PMEPA1: variants seen among roughly 807,000 people sequenced by gnomAD.
PMEPA1 encodes protein TMEPAI.
A neutral mutation model predicts 23.0 loss-of-function variants in PMEPA1; 11 were observed. The ratio of observed to expected loss-of-function variants is 0.48; its 90% CI spans 0.30 to 0.79. The LOEUF is 0.79. PMEPA1 is among the 30% of genes least tolerant of loss of function. The probability of loss-of-function intolerance (pLI) is 0.06; values close to 1 mark genes in which losing one functional copy is unlikely to be tolerated. For missense variants in PMEPA1, 377 were observed against 390.9 expected (o/e 0.96, Z 0.30); for synonymous variants, 204 against 166.4 (o/e 1.23, Z -1.74).
intron 1 of PMEPA1, among the ~76,000 whole-genome samples, chr20:57,679,789 A>G (rs977124626): frequency 1.3e-5 from 2 of 152,192 alleles, no homozygotes; most frequent in African/African-American, 4.8e-5. Context: ...ACCCAGGGGA[A>G]AACCTTGGGA....
chr20:57,652,100 C>T lies in PMEPA1; in HGVS notation c.817G>A (p.Ala273Thr), dbSNP rs746606191. 1.4e-5 allele frequency: 22 copies of T among 1,561,710 alleles called. No homozygotes were observed. The South Asian group carries it at 2.5e-4, about 17-fold the overall frequency. Reference protein sequence around the residue: ...HTHIAPLESAAIWSKEKDKQK... With the variant: ...HTHIAPLESATIWSKEKDKQK... The stretch of plus-strand genomic sequence containing the variant: ...TTATCCTTCTCTTTGCTCCAGATGG[C>T]TGCGCTCTCTAGGGGCGCGATGTGT... Residue 273 changes from alanine (A) to threonine (T), a missense_variant, in exon 4 of 4, where the codon GCC (alanine) becomes ACC (threonine). Ala to Thr is a moderately conservative substitution (Grantham distance 58). Transcript: ENST00000341744. This position sits in a 1 kb window ranked among gnomAD's most constrained non-coding sequence, Gnocchi z 6.1.
intron 1 of PMEPA1, among the ~76,000 whole-genome samples, chr20:57,669,166 T>TATTTATTTATTTA (rs1469184474): frequency 2.0e-5 from 3 of 151,694 alleles, no homozygotes; most frequent in Non-Finnish European, 4.4e-5. Context: ...TTTATTTATT[T>TATTTATTTATTTA]ATTTATTTAT....
intron 1 of PMEPA1, among the ~76,000 whole-genome samples, chr20:57,679,235 C>CCTG (rs1321668091): frequency 6.6e-6 from 1 of 152,178 alleles, no homozygotes; most frequent in East Asian, 1.9e-4. Flanking sequence ...CAAACAATGG[C>CCTG]AAGTGCAAAT....
rs1427144249 is a variant in PMEPA1 at position 57,682,589 on chromosome 20, G to A, written c.110-22892C>T. 3.3e-5 allele frequency among the ~76,000 whole-genome samples: 5 copies of A among 152,120 alleles called. No individual in the cohort carries two copies. Among genetic ancestry groups the A allele is most frequent in the African/African-American group, 7.2e-5 (3 of 41,428 alleles). On this transcript the variant is annotated intron_variant, in intron 1 of 3. Transcript: ENST00000341744. The surrounding 1 kb of genome is among the most constrained non-coding windows in gnomAD (Gnocchi z 4.4). ...GCCCACCGCCCCACACCTGGAAGAC[G>A]AAAGGACACGAGAAGGAGAGGCACA...
intron 1 of PMEPA1, among the ~76,000 whole-genome samples, chr20:57,709,190 C>G (rs894567893): frequency 7.3e-5 from 11 of 151,520 alleles, no homozygotes; most frequent in African/African-American, 2.7e-4. Flanking sequence ...CGCCCCAACC[C>G]TCCCGCGCCG....
intron 1 of PMEPA1, among the ~76,000 whole-genome samples, chr20:57,675,534 C>A (rs7267055): frequency 0.024 from 3,614 of 152,342 alleles, 167 homozygotes; most frequent in African/African-American, 0.083. Flanking sequence ...CCCAGGAAGA[C>A]CCCTGGCCCA....
Position 57,709,872 on chromosome 20 carries a change from G to A in PMEPA1, c.-290C>T, listed in dbSNP as rs1400100350. The A allele has an allele frequency of 5.0e-6, 5 of 993,984 alleles. No individual in the cohort carries two copies. Among genetic ancestry groups the A allele is most frequent in the African/African-American group, 1.8e-5 (1 of 56,826 alleles). The allele number at this position is 993,984 out of a possible 1,614,324, so 61.6% of individuals were successfully genotyped here. Reference sequence around the variant, plus strand: ...GGCTGGCAGCGGGGCGCGCGCTGCCGCCGGGGCTGAGCCTCTGCCGCTAGC... The same window carrying A: ...GGCTGGCAGCGGGGCGCGCGCTGCCACCGGGGCTGAGCCTCTGCCGCTAGC... On this transcript the variant is annotated 5_prime_UTR_variant, in exon 1 of 4. Coordinates refer to ENST00000341744, the MANE Select transcript of PMEPA1 (RefSeq NM_020182.5).
chr20:57,660,911 CAA>C (rs2071409574), intron 1 of PMEPA1, among the ~76,000 whole-genome samples: 1 of 152,144 alleles, frequency 6.6e-6, no homozygotes, highest in South Asian at 2.1e-4. Context: ...GTCCCACACC[CAA>C]GTCAACATCC....
intron 2 of PMEPA1, among the ~76,000 whole-genome samples, chr20:57,657,939 C>A (rs2071350974): frequency 6.6e-6 from 1 of 152,228 alleles, no homozygotes; most frequent in Admixed American, 6.5e-5. Flanking sequence ...CCACCTCCTC[C>A]CCACAGTTCC....
chr20:57,676,349 A>G (rs959099685), intron 1 of PMEPA1, among the ~76,000 whole-genome samples: 3 of 152,238 alleles, frequency 2.0e-5, no homozygotes, highest in African/African-American at 7.2e-5. Flanking sequence ...TCGGAACGCT[A>G]GCTGGTACAC....
chr20:57,706,293 C>T (rs752136156), intron 1 of PMEPA1, among the ~76,000 whole-genome samples: 6 of 152,114 alleles, frequency 3.9e-5, no homozygotes, highest in Non-Finnish European at 7.4e-5. Context: ...GGAGAAAGAC[C>T]GGGGGTAATC....
chr20:57,698,600 C>A (rs1173210161), intron 1 of PMEPA1, among the ~76,000 whole-genome samples: 3 of 152,210 alleles, frequency 2.0e-5, no homozygotes, highest in Non-Finnish European at 4.4e-5. Flanking sequence ...TTATTACCAA[C>A]TAAATTGTTT....
At chr20:57,658,760 C>T (rs2146644518) in intron 2 of PMEPA1, among the ~76,000 whole-genome samples, 1 of 152,292 alleles carries the variant, frequency 6.6e-6, no homozygotes, top group Non-Finnish European at 1.5e-5. Flanking sequence ...CTCTATGGCT[C>T]TCCAAGGCAT....
chr20:57,686,850 T>G (rs2071808041), intron 1 of PMEPA1, among the ~76,000 whole-genome samples: 1 of 152,036 alleles, frequency 6.6e-6, no homozygotes, highest in Non-Finnish European at 1.5e-5. Context: ...AGGCTTAGGA[T>G]CCCCACCAAA....
chr20:57,658,307 C>T (rs1181859809), intron 2 of PMEPA1, among the ~76,000 whole-genome samples: 4 of 152,162 alleles, frequency 2.6e-5, no homozygotes, highest in Non-Finnish European at 4.4e-5. Context: ...CCTCACACTC[C>T]CGCGCCCACT....
intron 1 of PMEPA1, among the ~76,000 whole-genome samples, chr20:57,703,585 G>C (rs1037841190): frequency 6.6e-6 from 1 of 152,192 alleles, no homozygotes; most frequent in South Asian, 2.1e-4. Context: ...GGCATGCTGG[G>C]GTCGTTGCCA....
intron 1 of PMEPA1, among the ~76,000 whole-genome samples, chr20:57,667,063 C>T (rs554486454): frequency 2.0e-5 from 3 of 152,316 alleles, no homozygotes; most frequent in Admixed American, 6.5e-5. Flanking sequence ...AAGGCCTGTA[C>T]GGGACATGGG....
In PMEPA1 at chr20:57,652,233, C is replaced by T. The variant is rs773147721; in HGVS notation, c.684G>A (p.Pro228=). 5 of 1,606,842 alleles carry T rather than the reference C, an allele frequency of 3.1e-6. No homozygotes were observed. Among genetic ancestry groups the T allele is most frequent in the Admixed American group, 3.3e-5 (2 of 59,840 alleles). ...CGATGACCTCGCTGTAGGTGGGCGG[C>T]GGCCCCTCCATGCGCCCGCCGCTGC... ...CYGSGGRMEG[P]PPTYSEVIGH... is the part of the protein sequence containing the mutation. The change falls in exon 4 of 4, where the codon CCG becomes CCA. Residue 228 remains proline (P), a synonymous_variant. Coordinates refer to ENST00000341744, the MANE Select transcript of PMEPA1 (RefSeq NM_020182.5). This position sits in a 1 kb window ranked among gnomAD's most constrained non-coding sequence, Gnocchi z 6.1.
rs994750604 is a variant in PMEPA1, at chr20:57,709,828, G to C, written c.-246C>G. 7 of 985,644 alleles carry C rather than the reference G, an allele frequency of 7.1e-6. No individual in the cohort carries two copies. Among genetic ancestry groups the C allele is most frequent in the Non-Finnish European group, 8.4e-6 (7 of 830,552 alleles). The allele number at this position is 985,644 out of a possible 1,614,324, so 61.1% of individuals were successfully genotyped here. On this transcript the variant is annotated 5_prime_UTR_variant, in exon 1 of 4. Transcript: ENST00000341744. Reference sequence around the variant, plus strand: ...CCCCGGGGGCGTCGGCAGTGCCCGCGGGTGGCGTCCGGAAAATGGGCTGGC... The same window carrying C: ...CCCCGGGGGCGTCGGCAGTGCCCGCCGGTGGCGTCCGGAAAATGGGCTGGC...
Sources: allele counts gnomAD v4.1 joint callset (sites outside exome capture counted in the v4.1 genomes callset), GRCh38; gene constraint gnomAD v4.1.1; non-coding constraint Gnocchi (gnomAD v3.1); transcripts MANE v1.5; gene names NCBI Gene and HGNC (gene_info 2026-07-23, HGNC 2026-07-21).